Variants in RORB observed in about 807,000 individuals in gnomAD.
RORB encodes the protein RAR related orphan receptor B.
Under a neutral mutation model 59.1 loss-of-function variants are expected in RORB, and 6 were observed. That is an observed-to-expected ratio of 0.10 (90% confidence interval 0.06 to 0.20). The LOEUF (loss-of-function observed/expected upper bound fraction) is 0.20. RORB is among the 10% of genes least tolerant of loss of function. The pLI is 1.00. For missense variants in RORB, 320 were observed against 560.5 expected (o/e 0.57, Z 4.33); for synonymous variants, 215 against 204.5 (o/e 1.05, Z -0.44).
intron 1 of RORB, among the ~76,000 whole-genome samples, chr9:74,535,051 G>A (rs1242064002): frequency 1.3e-5 from 2 of 152,064 alleles, no homozygotes; most frequent in Non-Finnish European, 2.9e-5. Context: ...AGTTGTGACA[G>A]CGCATCACAA....
At chr9:74,676,544 C>T (rs941894624) in intron 9 of RORB, among the ~76,000 whole-genome samples, 4 of 152,216 alleles carry the variant, frequency 2.6e-5, no homozygotes, top group Admixed American at 2.6e-4. Context: ...TGTTCAAGTG[C>T]TTGTGCCTCA....
chr9:74,604,614 T>C (rs919253873), intron 1 of RORB, among the ~76,000 whole-genome samples: 6 of 152,236 alleles, frequency 3.9e-5, no homozygotes, highest in African/African-American at 1.4e-4. Context: ...CATTTATTTA[T>C]CTAGATCACC....
intron 1 of RORB, among the ~76,000 whole-genome samples, chr9:74,513,915 C>T (rs920881252): frequency 6.6e-6 from 1 of 151,984 alleles, no homozygotes; most frequent in African/African-American, 2.4e-5. Flanking sequence ...TACAATAGTT[C>T]TGAAATGAAA....
At chr9:74,667,088 G>A (rs939828406) in intron 7 of RORB, among the ~76,000 whole-genome samples, 15 of 152,326 alleles carry the variant, frequency 9.8e-5, no homozygotes, top group African/African-American at 3.1e-4. Context: ...AGGAGGAAAA[G>A]CCTTGGCAAG....
chr9:74,579,868 A>T, intron 1 of RORB, among the ~76,000 whole-genome samples: 1 of 152,196 alleles, frequency 6.6e-6, no homozygotes, highest in East Asian at 1.9e-4. Context: ...AGAGTTTTAC[A>T]GTAGTTCCCT....
At chr9:74,683,263 TC>T (rs1438405462) in intron 9 of RORB, among the ~76,000 whole-genome samples, 4 of 152,186 alleles carry the variant, frequency 2.6e-5, no homozygotes, top group Non-Finnish European at 4.4e-5. Flanking sequence ...CAAGAACTGT[TC>T]CTAAATTGTT....
chr9:74,568,255 T>C (rs1822497164), intron 1 of RORB, among the ~76,000 whole-genome samples: 2 of 152,008 alleles, frequency 1.3e-5, no homozygotes, highest in Admixed American at 1.3e-4. Context: ...GAGCATCTAT[T>C]TATGTATTTT....
intron 1 of RORB, among the ~76,000 whole-genome samples, chr9:74,531,679 A>C (rs540091897): frequency 6.6e-6 from 1 of 152,014 alleles, no homozygotes; most frequent in South Asian, 2.1e-4. Context: ...TTAATATACA[A>C]GAGAAAAAAA....
At chr9:74,525,613 C>G (rs1272271120) in intron 1 of RORB, among the ~76,000 whole-genome samples, 1 of 151,896 alleles carries the variant, frequency 6.6e-6, no homozygotes, top group Admixed American at 6.6e-5. Context: ...AGAATTTTCA[C>G]TCTATGAACA....
chr9:74,594,398 C>A (rs2118299547), intron 1 of RORB, among the ~76,000 whole-genome samples: 1 of 152,248 alleles, frequency 6.6e-6, no homozygotes, highest in South Asian at 2.1e-4. Flanking sequence ...AAGCTCCAAA[C>A]AAAAGACCCA....
intron 1 of RORB, among the ~76,000 whole-genome samples, chr9:74,625,106 G>C (rs1823487686): frequency 6.6e-6 from 1 of 152,146 alleles, no homozygotes; most frequent in South Asian, 2.1e-4. Context: ...AAAACATAGA[G>C]AGAATTCCTG....
At chr9:74,551,768 C>T (rs1826611935) in intron 1 of RORB, among the ~76,000 whole-genome samples, 1 of 152,046 alleles carries the variant, frequency 6.6e-6, no homozygotes, top group African/African-American at 2.4e-5. Flanking sequence ...CTCAGGAATG[C>T]AAAAGTTTGT....
At chr9:74,539,241 A>G (rs960012882) in intron 1 of RORB, among the ~76,000 whole-genome samples, 1 of 152,204 alleles carries the variant, frequency 6.6e-6, no homozygotes, top group Admixed American at 6.5e-5. Context: ...GTAAGCAAAC[A>G]TCAGAGATAA....
chr9:74,662,721 C>T, intron 6 of RORB, 115 bp downstream of exon 6: 1 of 1,026,866 alleles, frequency 9.7e-7, no homozygotes, highest in East Asian at 2.4e-5. Flanking sequence ...CTACCACCCA[C>T]ATTGTCAGCC....
At chr9:74,635,224 G>A (rs1348047970) in intron 3 of RORB, among the ~76,000 whole-genome samples, 1 of 152,168 alleles carries the variant, frequency 6.6e-6, no homozygotes, top group Non-Finnish European at 1.5e-5. Context: ...TCTATGGGAA[G>A]CCTGGAAGTC....
At chr9:74,562,068 C>T (rs189405837) in intron 1 of RORB, among the ~76,000 whole-genome samples, 1 of 152,286 alleles carries the variant, frequency 6.6e-6, no homozygotes, top group East Asian at 1.9e-4. Flanking sequence ...TGCATGTTGT[C>T]AGTACGTCAT....
chr9:74,587,226 T>C (rs1375296046), intron 1 of RORB, among the ~76,000 whole-genome samples: 2 of 152,184 alleles, frequency 1.3e-5, no homozygotes, highest in African/African-American at 4.8e-5. Flanking sequence ...ATTGCTCCCA[T>C]CAGATAAGAT....
chr9:74,533,246 G>C (rs951014030), intron 1 of RORB, among the ~76,000 whole-genome samples: 3 of 151,928 alleles, frequency 2.0e-5, no homozygotes, highest in Admixed American at 2.0e-4. Context: ...TGTTTCCCCT[G>C]AGAGGATCCC....
At chr9:74,636,765 T>C (rs1823710980) in intron 3 of RORB, among the ~76,000 whole-genome samples, 1 of 149,736 alleles carries the variant, frequency 6.7e-6, no homozygotes, top group Non-Finnish European at 1.5e-5. Context: ...GTCACGGGGG[T>C]GTGGGTGGGG....
Sources: gnomAD v4.1 joint callset for allele counts (sites outside exome capture counted in the v4.1 genomes callset) on GRCh38, gnomAD v4.1.1 for gene constraint, MANE v1.5 for transcripts, NCBI Gene and HGNC (gene_info 2026-07-23, HGNC 2026-07-21) for gene names.